Variants in EMSY observed in about 807,000 individuals in gnomAD.
EMSY encodes the protein EMSY transcriptional repressor, BRCA2 interacting, also known as BRCA2-interacting transcriptional repressor EMSY.
EMSY carries 26 observed loss-of-function variants against 134.6 expected under a neutral mutation model. The ratio of observed to expected loss-of-function variants is 0.19; its 90% CI spans 0.14 to 0.27. EMSY has a LOEUF of 0.27. Among genes scored for constraint, EMSY ranks in the 10% least tolerant of loss-of-function variants. The probability of loss-of-function intolerance (pLI) is 1.00; values close to 1 mark genes in which losing one functional copy is unlikely to be tolerated. For missense variants in EMSY, 1,305 were observed against 1,611.4 expected (o/e 0.81, Z 3.26); for synonymous variants, 579 against 577.8 (o/e 1.00, Z -0.03).
rs1211570687 is a variant in EMSY at position 76,445,671 on chromosome 11, C to T, written c.-40+543C>T. On this transcript the variant is annotated intron_variant, in intron 1 of 20. Coordinates refer to ENST00000334736, the Ensembl canonical transcript of EMSY. ...CTCCGGAAACTACTGCCCGGGTTTC[C>T]GATGCGTTGCGGCCCCGCTCTGGGG... 3.9e-5 allele frequency among the ~76,000 whole-genome samples: 6 copies of T among 152,254 alleles called. No individual in the cohort carries two copies. In the East Asian group the frequency reaches 1.2e-3, roughly 29 times the overall value.
intron 9 of EMSY, among the ~76,000 whole-genome samples, chr11:76,512,879 T>C (rs931326094): frequency 2.0e-5 from 3 of 152,166 alleles, no homozygotes; most frequent in Non-Finnish European, 4.4e-5. Context: ...TATTAAAAAT[T>C]ATTTTAAAAG....
exon 8 of EMSY, chr11:76,472,564 G>C (rs1445892801): frequency 1.2e-6 from 2 of 1,612,952 alleles, no homozygotes; most frequent in Non-Finnish European, 1.7e-6. Context: ...TATTCCTTAG[G>C]TTATTATAGT....
intron 11 of EMSY, among the ~76,000 whole-genome samples, chr11:76,517,132 C>G (rs1397430977): frequency 6.6e-6 from 1 of 151,924 alleles, no homozygotes; most frequent in East Asian, 1.9e-4. Context: ...TTGTATGCCC[C>G]AGGTGAGTTG....
intron 9 of EMSY, among the ~76,000 whole-genome samples, chr11:76,505,362 A>ATT (rs372496170): frequency 0.35 from 43,742 of 126,580 alleles, 7,948 homozygotes; most frequent in South Asian, 0.5. Flanking sequence ...CGCCCGGCTA[A>ATT]TTTTTTTTTT....
At chr11:76,548,911 C>T (rs535327823) in intron 20 of EMSY, among the ~76,000 whole-genome samples, 1 of 152,242 alleles carries the variant, frequency 6.6e-6, no homozygotes, top group East Asian at 1.9e-4. Flanking sequence ...TTTATTGAGC[C>T]TCTTGCTGTG....
chr11:76,501,560 G>A (rs1292779392), intron 9 of EMSY, among the ~76,000 whole-genome samples: 4 of 152,138 alleles, frequency 2.6e-5, no homozygotes, highest in South Asian at 2.1e-4. Context: ...AAAAATGCAC[G>A]AGAGGGGTTC....
chr11:76,490,183 A>AT (rs375154102), intron 8 of EMSY, among the ~76,000 whole-genome samples: 4,417 of 146,300 alleles, frequency 0.03, 217 homozygotes, highest in African/African-American at 0.1. Context: ...ATTTTTATTG[A>AT]TTTTTTTTTT....
exon 16 of EMSY, chr11:76,537,882 G>A (rs924611484): frequency 6.2e-7 from 1 of 1,613,548 alleles, no homozygotes; most frequent in South Asian, 1.1e-5. Context: ...CAGGAAAAGA[G>A]ACATTCTCCT....
At position 76,539,589 on chromosome 11, in the gene EMSY, A is replaced by G. The variant is rs768984953; in HGVS notation, c.2516-10A>G. On this transcript the variant is annotated splice_polypyrimidine_tract_variant and intron_variant, in intron 16 of 20. Coordinates refer to ENST00000334736, the Ensembl canonical transcript of EMSY. The stretch of plus-strand genomic sequence containing the variant: ...AAGACTATGATTTCTTCCCTTACTT[A>G]TCCTTTCAGAACGCACTGATGAGGG... 6.2e-7 allele frequency: 1 copy of G among 1,613,610 alleles called. No individual in the cohort carries two copies. Among genetic ancestry groups the G allele is most frequent in the East Asian group, 2.2e-5 (1 of 44,856 alleles).
At chr11:76,551,608 G>T (rs8848), downstream of EMSY, 84,009 of 152,296 alleles carry the variant, frequency 0.55, 24,189 homozygotes, top group East Asian at 0.72. Context: ...CACTAGTTCT[G>T]CTAGGTGATA....
intron 9 of EMSY, among the ~76,000 whole-genome samples, chr11:76,508,617 G>A (rs551078671): frequency 1.3e-5 from 2 of 152,288 alleles, no homozygotes; most frequent in Admixed American, 6.5e-5. Context: ...CTTTATCTAT[G>A]AAAGTCCTAG....
intron 6 of EMSY, 128 bp downstream of exon 7, chr11:76,460,213 T>G (rs1948052399): frequency 1.8e-6 from 2 of 1,123,610 alleles, no homozygotes; most frequent in African/African-American, 3.1e-5. Flanking sequence ...TTTTGAAGAT[T>G]TTAAAGAATT....
intron 16 of EMSY, among the ~76,000 whole-genome samples, chr11:76,538,481 G>A (rs1283825352): frequency 6.6e-6 from 1 of 151,972 alleles, no homozygotes; most frequent in Non-Finnish European, 1.5e-5. Flanking sequence ...GGCTTGTCTT[G>A]AATTCCTGGG....
exon 14 of EMSY, chr11:76,528,345 A>T: frequency 1.2e-6 from 2 of 1,613,716 alleles, no homozygotes; most frequent in Non-Finnish European, 1.7e-6. Flanking sequence ...TAACAGAAAC[A>T]TTACAGCAAG....
At chr11:76,456,262 T>C (rs889954471) in intron 4 of EMSY, among the ~76,000 whole-genome samples, 1 of 152,218 alleles carries the variant, frequency 6.6e-6, no homozygotes, top group African/African-American at 2.4e-5. Context: ...ACTTAATTTT[T>C]CACTCAAAGT....
intron 19 of EMSY, 45 bp downstream of exon 20, chr11:76,544,867 CG>C: frequency 3.8e-6 from 6 of 1,559,536 alleles, no homozygotes; most frequent in Non-Finnish European, 5.2e-6. Flanking sequence ...TCTCTGTTCA[CG>C]GAAAAAAAAA....
At chr11:76,540,677 T>C (rs1951404705) in intron 17 of EMSY, among the ~76,000 whole-genome samples, 1 of 152,226 alleles carries the variant, frequency 6.6e-6, no homozygotes. Context: ...AATGGCATTT[T>C]TACATTGATT....
chr11:76,508,738 G>A (rs1328944907), intron 9 of EMSY, among the ~76,000 whole-genome samples: 2 of 152,198 alleles, frequency 1.3e-5, no homozygotes, highest in African/African-American at 4.8e-5. Flanking sequence ...ACTTGCTACA[G>A]CTTCTCCGTC....
At chr11:76,468,932 G>A (rs1011652913) in intron 7 of EMSY, among the ~76,000 whole-genome samples, 1 of 152,144 alleles carries the variant, frequency 6.6e-6, no homozygotes, top group Non-Finnish European at 1.5e-5. Context: ...AATAAACACT[G>A]TTTGGTTCAC....
Sources: allele counts gnomAD v4.1 joint callset (sites outside exome capture counted in the v4.1 genomes callset), GRCh38; gene constraint gnomAD v4.1.1; transcripts MANE v1.5; gene names NCBI Gene and HGNC (gene_info 2026-07-23, HGNC 2026-07-21).